MRPL1: variants seen among roughly 807,000 people sequenced by gnomAD.
MRPL1 encodes the protein large ribosomal subunit protein uL1m.
Under a neutral mutation model 38.0 loss-of-function variants are expected in MRPL1, and 28 were observed. That is an observed-to-expected ratio of 0.74 (90% CI 0.55 to 1.01). The LOEUF is 1.01. Ranked by LOEUF, MRPL1 falls within the 50% of genes least tolerant of loss-of-function variation. The pLI, the probability that MRPL1 is intolerant of heterozygous loss-of-function variation, is 0.00. For synonymous variants in MRPL1, 123 were observed against 126.7 expected (o/e 0.97, Z 0.20); for missense variants, 358 against 389.8 (o/e 0.92, Z 0.69).
intron 7 of MRPL1, among the ~76,000 whole-genome samples, chr4:77,948,603 T>G (rs1248270935): frequency 1.3e-5 from 2 of 152,204 alleles, no homozygotes; most frequent in African/African-American, 4.8e-5. Context: ...TGGATGATGA[T>G]AAAAGGATTT....
intron 7 of MRPL1, among the ~76,000 whole-genome samples, chr4:77,914,389 G>T (rs1736368186): frequency 6.6e-6 from 1 of 152,094 alleles, no homozygotes; most frequent in South Asian, 2.1e-4. Flanking sequence ...TATGGTGATG[G>T]TTGCACAACT....
chr4:77,933,556 T>TA (rs1283971395), intron 7 of MRPL1, among the ~76,000 whole-genome samples: 2 of 152,068 alleles, frequency 1.3e-5, no homozygotes, highest in Non-Finnish European at 2.9e-5. Flanking sequence ...CAGGGAACTC[T>TA]AAGATCATAG....
intron 2 of MRPL1, among the ~76,000 whole-genome samples, chr4:77,880,965 T>G (rs1406089972): frequency 6.6e-6 from 1 of 152,226 alleles, no homozygotes; most frequent in African/African-American, 2.4e-5. Context: ...GGCAGCTCTG[T>G]TCCACATGTT....
intron 2 of MRPL1, among the ~76,000 whole-genome samples, chr4:77,873,050 G>A (rs181829452): frequency 2.0e-5 from 3 of 152,186 alleles, no homozygotes; most frequent in Admixed American, 2.0e-4. Context: ...AATAAGATAA[G>A]ATATATGTAA....
intron 7 of MRPL1, among the ~76,000 whole-genome samples, chr4:77,920,752 C>G (rs1331402661): frequency 6.6e-6 from 1 of 151,162 alleles, no homozygotes; most frequent in Non-Finnish European, 1.5e-5. Context: ...GTACCCTTCT[C>G]CCTTCCATTC....
intron 7 of MRPL1, among the ~76,000 whole-genome samples, chr4:77,914,046 T>A (rs1736358149): frequency 6.6e-6 from 1 of 152,172 alleles, no homozygotes; most frequent in Admixed American, 6.5e-5. Context: ...GACTGGTGAT[T>A]GTTGCATGTG....
intron 6 of MRPL1, among the ~76,000 whole-genome samples, chr4:77,897,179 T>G (rs1273638209): frequency 6.6e-6 from 1 of 152,056 alleles, no homozygotes; most frequent in Non-Finnish European, 1.5e-5. Context: ...TGAATCTGCC[T>G]CAGCCTCCCA....
At chr4:77,887,951 T>C (rs557167222) in intron 5 of MRPL1, among the ~76,000 whole-genome samples, 1 of 152,290 alleles carries the variant, frequency 6.6e-6, no homozygotes, top group Non-Finnish European at 1.5e-5. Flanking sequence ...GTTTTGAATG[T>C]AAGGTTTAAA....
chr4:77,864,162 A>C (rs191924880), intron 1 of MRPL1, among the ~76,000 whole-genome samples: 5 of 152,206 alleles, frequency 3.3e-5, no homozygotes, highest in African/African-American at 4.8e-5. Flanking sequence ...AGGCATCTTC[A>C]TGTATGACAG....
chr4:77,921,149 C>T (rs866623320), intron 7 of MRPL1, among the ~76,000 whole-genome samples: 37 of 152,310 alleles, frequency 2.4e-4, no homozygotes, highest in Middle Eastern at 3.4e-3. Flanking sequence ...GTGCTGGCAT[C>T]TCCTTTAATA....
At chr4:77,884,548 A>C (rs1735629489) in intron 3 of MRPL1, among the ~76,000 whole-genome samples, 3 of 152,216 alleles carry the variant, frequency 2.0e-5, no homozygotes, top group African/African-American at 7.2e-5. Context: ...GCGTGCCTCA[A>C]ATGCATGCCA....
intron 6 of MRPL1, among the ~76,000 whole-genome samples, chr4:77,904,876 A>G (rs1483368631): frequency 6.6e-6 from 1 of 152,370 alleles, no homozygotes. Context: ...TATAAAAGAT[A>G]AAGTCATGAA....
intron 2 of MRPL1, among the ~76,000 whole-genome samples, chr4:77,878,037 GGTTTATACTGTC>G: frequency 6.6e-6 from 1 of 152,236 alleles, no homozygotes; most frequent in East Asian, 1.9e-4. Context: ...TCTCCCAAGA[GGTTTATACTGTC>G]ACACTAGCCC....
chr4:77,923,725 C>T (rs1215740774), intron 7 of MRPL1, among the ~76,000 whole-genome samples: 8 of 151,920 alleles, frequency 5.3e-5, no homozygotes, highest in Non-Finnish European at 1.5e-5. Flanking sequence ...TACTTGAGGC[C>T]AGGAGTTCAA....
At chr4:77,877,547 C>G (rs1735426992) in intron 2 of MRPL1, among the ~76,000 whole-genome samples, 2 of 150,588 alleles carry the variant, frequency 1.3e-5, no homozygotes, top group Non-Finnish European at 2.9e-5. Flanking sequence ...GCACCCTTCC[C>G]TAGCAGTAGA....
intron 2 of MRPL1, among the ~76,000 whole-genome samples, chr4:77,876,761 C>T (rs1735404952): frequency 6.6e-6 from 1 of 152,102 alleles, no homozygotes; most frequent in Non-Finnish European, 1.5e-5. Flanking sequence ...CCTTTTGGCT[C>T]TCCCCTCTAC....
chr4:77,918,120 T>C (rs1177253174), intron 7 of MRPL1, among the ~76,000 whole-genome samples: 1 of 150,832 alleles, frequency 6.6e-6, no homozygotes, highest in East Asian at 1.9e-4. Context: ...AAAGTAGCAA[T>C]GATTGTTTGG....
chr4:77,902,596 C>A (rs1233616169), intron 6 of MRPL1, among the ~76,000 whole-genome samples: 1 of 149,718 alleles, frequency 6.7e-6, no homozygotes, highest in Admixed American at 6.6e-5. Flanking sequence ...TTAAAAAGTT[C>A]AATAAAGCTG....
chr4:77,889,370 C>G (rs966127289), intron 5 of MRPL1, among the ~76,000 whole-genome samples: 19 of 152,292 alleles, frequency 1.2e-4, no homozygotes, highest in African/African-American at 4.6e-4. Context: ...ACAACCTGCT[C>G]CTGAATGACT....
Sources: gnomAD v4.1 joint callset for allele counts (sites outside exome capture counted in the v4.1 genomes callset) on GRCh38, gnomAD v4.1.1 for gene constraint, MANE v1.5 for transcripts, NCBI Gene and HGNC (gene_info 2026-07-23, HGNC 2026-07-21) for gene names.